TAF1B: variants seen among roughly 807,000 people sequenced by gnomAD.
TAF1B encodes the protein TATA-box binding protein associated factor, RNA polymerase I subunit B.
A neutral mutation model predicts 83.9 loss-of-function variants in TAF1B; 61 were observed. The observed-to-expected ratio is 0.73, with a 90% CI of 0.59 to 0.90. The LOEUF (loss-of-function observed/expected upper bound fraction) is 0.90. Among genes scored for constraint, TAF1B ranks in the 40% least tolerant of loss-of-function variants. TAF1B has a pLI of 0.00. For synonymous variants in TAF1B, 221 were observed against 224.6 expected, an observed-to-expected ratio of 0.98 and a Z score of 0.14; for missense variants, 625 against 677.0, an observed-to-expected ratio of 0.92 and a Z score of 0.85.
At chr2:9,919,192 T>C in intron 13 of TAF1B, 81 bp downstream of exon 13, 1 of 1,234,188 alleles carries the variant, frequency 8.1e-7, no homozygotes, top group Admixed American at 1.9e-5. Flanking sequence ...AAATGTTGAA[T>C]GCTTAAGTTT....
chr2:9,843,567 G>C lies in TAF1B; in HGVS notation c.18+8G>C. ...ATGGACCTCGAGGAGGCGGTAAGGA[G>C]GCGGTGCACCTGGCGGGCCACGATC... On this transcript the variant is annotated splice_region_variant and intron_variant, in intron 1 of 14. Coordinates refer to ENST00000263663, the MANE Select transcript of TAF1B (RefSeq NM_005680.3). The C allele has an allele frequency of 6.6e-7, 1 of 1,522,404 alleles. No homozygotes were observed. Among genetic ancestry groups the C allele is most frequent in the Non-Finnish European group, 8.8e-7 (1 of 1,131,980 alleles). The allele number at this position is 1,522,404 out of a possible 1,614,324, so 94.3% of individuals were successfully genotyped here.
intron 6 of TAF1B, among the ~76,000 whole-genome samples, chr2:9,874,774 T>G (rs1364772556): frequency 6.6e-6 from 1 of 152,188 alleles, no homozygotes; most frequent in East Asian, 1.9e-4. Flanking sequence ...AAGATGGGGA[T>G]AGAAGAAGGT....
intron 8 of TAF1B, among the ~76,000 whole-genome samples, chr2:9,892,179 A>G (rs1664890878): frequency 6.6e-6 from 1 of 152,200 alleles, no homozygotes; most frequent in Non-Finnish European, 1.5e-5. Context: ...CCATTGTGTT[A>G]CAGTTGCCTA....
chr2:9,932,893 G>A (rs573265789), intron 14 of TAF1B, among the ~76,000 whole-genome samples: 10 of 152,172 alleles, frequency 6.6e-5, no homozygotes, highest in Admixed American at 1.3e-4. Flanking sequence ...ACGCCCCTCC[G>A]CCTGCCAGGC....
At chr2:9,886,837 C>G (rs1248318047) in intron 8 of TAF1B, among the ~76,000 whole-genome samples, 2 of 152,162 alleles carry the variant, frequency 1.3e-5, no homozygotes, top group Non-Finnish European at 2.9e-5. Flanking sequence ...GAGGCCGAGG[C>G]AGGCGGATCG....
intron 5 of TAF1B, among the ~76,000 whole-genome samples, chr2:9,861,705 C>T (rs1053446499): frequency 4.6e-5 from 7 of 152,234 alleles, no homozygotes; most frequent in African/African-American, 1.4e-4. Flanking sequence ...CCAGTAGGGG[C>T]AGTCTGACAC....
chr2:9,879,758 G>A (rs1456669685), intron 7 of TAF1B, among the ~76,000 whole-genome samples: 1 of 151,930 alleles, frequency 6.6e-6, no homozygotes, highest in African/African-American at 2.4e-5. Flanking sequence ...TTAGGAATTT[G>A]GATTTTTAAA....
chr2:9,859,180 G>A (rs987488683), intron 5 of TAF1B, among the ~76,000 whole-genome samples: 10 of 63,292 alleles, frequency 1.6e-4, no homozygotes, highest in African/African-American at 3.4e-4. Flanking sequence ...CCTCTTGAAT[G>A]CTTTGCTGCT....
At chr2:9,895,506 A>G (rs145976722) in intron 8 of TAF1B, among the ~76,000 whole-genome samples, 2 of 21,972 alleles carry the variant, frequency 9.1e-5, no homozygotes, top group African/African-American at 2.8e-4. Flanking sequence ...GTCTCAAAAG[A>G]AAAAAAAAAA....
At chr2:9,874,251 T>C (rs1664255915) in intron 6 of TAF1B, among the ~76,000 whole-genome samples, 1 of 152,216 alleles carries the variant, frequency 6.6e-6, no homozygotes, top group African/African-American at 2.4e-5. Flanking sequence ...CTCCTGCTAA[T>C]ATACTTGGTA....
intron 9 of TAF1B, among the ~76,000 whole-genome samples, chr2:9,905,888 ATAATT>A (rs1665325629): frequency 6.6e-6 from 1 of 152,230 alleles, no homozygotes; most frequent in East Asian, 1.9e-4. Context: ...AGGAACAAAA[ATAATT>A]TAAATTTTTC....
intron 6 of TAF1B, chr2:9,868,659 A>C (rs759648779): frequency 4.5e-6 from 3 of 667,358 alleles, no homozygotes; most frequent in Non-Finnish European, 8.3e-6. Context: ...GTGTGATTTT[A>C]AAGGGACATA....
chr2:9,911,897 C>G (rs893608009), intron 11 of TAF1B, among the ~76,000 whole-genome samples: 2 of 152,210 alleles, frequency 1.3e-5, no homozygotes, highest in Non-Finnish European at 2.9e-5. Context: ...GTCCCTCTAT[C>G]TGAAATGCTC....
chr2:9,843,681 G>A (rs1250383676), intron 1 of TAF1B, 122 bp downstream of exon 1: 30 of 1,165,648 alleles, frequency 2.6e-5, no homozygotes, highest in Non-Finnish European at 3.4e-5. Context: ...AGGAAGGCGG[G>A]GCGGAGGGCT....
intron 12 of TAF1B, 74 bp downstream of exon 12, chr2:9,913,323 C>A (rs556957986): frequency 2.7e-4 from 335 of 1,250,284 alleles, no homozygotes; most frequent in Non-Finnish European, 3.4e-4. Context: ...AAAGCTGAAG[C>A]TTCATCAGTA....
intron 12 of TAF1B, among the ~76,000 whole-genome samples, chr2:9,915,909 C>T (rs983682384): frequency 1.9e-5 from 1 of 52,414 alleles, no homozygotes; most frequent in Non-Finnish European, 3.2e-5. Context: ...GCAGTACAGA[C>T]TTCTTATGCA....
intron 12 of TAF1B, among the ~76,000 whole-genome samples, chr2:9,915,835 A>C (rs1665665892): frequency 6.6e-6 from 1 of 152,266 alleles, no homozygotes; most frequent in African/African-American, 2.4e-5. Context: ...ACTGGCAACA[A>C]ACCACATGTT....
chr2:9,866,942 G>C (rs1352470681), intron 5 of TAF1B, among the ~76,000 whole-genome samples: 1 of 152,070 alleles, frequency 6.6e-6, no homozygotes, highest in East Asian at 1.9e-4. Flanking sequence ...GTTGTGGGGT[G>C]GGTGGAGGGG....
intron 5 of TAF1B, among the ~76,000 whole-genome samples, chr2:9,857,796 T>C (rs1663612229): frequency 6.6e-6 from 1 of 152,014 alleles, no homozygotes; most frequent in Non-Finnish European, 1.5e-5. Context: ...AAAACCATCA[T>C]ATTGCATGAG....
Sources: allele counts gnomAD v4.1 joint callset (sites outside exome capture counted in the v4.1 genomes callset), GRCh38; gene constraint gnomAD v4.1.1; transcripts MANE v1.5; gene names NCBI Gene and HGNC (gene_info 2026-07-23, HGNC 2026-07-21).